The following ANO5 variants were observed in gnomAD, a reference collection of about 807,000 sequenced individuals.
The protein encoded by ANO5 is anoctamin 5.
A neutral mutation model predicts 121.0 loss-of-function variants in ANO5; 109 were observed. The ratio of observed to expected loss-of-function variants is 0.90; its 90% CI spans 0.77 to 1.06. The LOEUF (loss-of-function observed/expected upper bound fraction) is 1.06, where lower values mean the gene tolerates loss of function less well. Ranked by LOEUF, ANO5 falls within the 50% of genes least tolerant of loss-of-function variation. ANO5 has a pLI of 0.00. For synonymous variants in ANO5, 406 were observed against 359.9 expected, an observed-to-expected ratio of 1.13 and a Z score of -1.45; for missense variants, 1,064 against 1,078.5, an observed-to-expected ratio of 0.99 and a Z score of 0.19.
intron 6 of ANO5, among the ~76,000 whole-genome samples, chr11:22,226,663 T>C (rs1852844149): frequency 1.3e-5 from 2 of 152,116 alleles, no homozygotes; most frequent in African/African-American, 2.4e-5. Context: ...AGTTTCATGG[T>C]TGTGCTGCTG....
At chr11:22,238,199 T>C (rs1002226442) in intron 8 of ANO5, among the ~76,000 whole-genome samples, 1 of 151,728 alleles carries the variant, frequency 6.6e-6, no homozygotes, top group African/African-American at 2.4e-5. Flanking sequence ...GGACGTTTGG[T>C]AAAGCAGAAA....
intron 12 of ANO5, among the ~76,000 whole-genome samples, chr11:22,251,742 G>A (rs184826338): frequency 6.6e-6 from 1 of 152,010 alleles, no homozygotes; most frequent in African/African-American, 2.4e-5. Flanking sequence ...ACTGGGCAAG[G>A]GCGGCCAGGC....
intron 2 of ANO5, among the ~76,000 whole-genome samples, chr11:22,209,693 G>A (rs902432319): frequency 2.6e-5 from 4 of 151,932 alleles, no homozygotes; most frequent in Middle Eastern, 3.4e-3. Context: ...ATGAGACAAT[G>A]ACATACTCAG....
At chr11:22,213,196 A>G (rs1038309551) in intron 3 of ANO5, among the ~76,000 whole-genome samples, 1 of 151,852 alleles carries the variant, frequency 6.6e-6, no homozygotes, top group Non-Finnish European at 1.5e-5. Flanking sequence ...TAATGAACCT[A>G]TATTGGTGCA....
At chr11:22,260,018 G>C (rs1432706436) in intron 15 of ANO5, among the ~76,000 whole-genome samples, 1 of 151,242 alleles carries the variant, frequency 6.6e-6, no homozygotes, top group African/African-American at 2.4e-5. Flanking sequence ...TCCCTTGATG[G>C]GTCTAGTTGA....
chr11:22,206,269 A>C (rs1048515833), intron 2 of ANO5, among the ~76,000 whole-genome samples: 1 of 152,108 alleles, frequency 6.6e-6, no homozygotes, highest in South Asian at 2.1e-4. Flanking sequence ...ATAATTATGC[A>C]ACATGGCCAG....
rs141223176 is a variant in ANO5, at chr11:22,201,602, C to T, written c.41-2202C>T. Among the ~76,000 whole-genome samples, 388 of 152,186 alleles carry T rather than the reference C, an allele frequency of 2.5e-3. 9 individuals are homozygous for T. Among genetic ancestry groups the T allele is most frequent in the Admixed American group, 0.021 (328 of 15,270 alleles). ...TATAAACAATAGAAGTTTATTTGGT[C>T]CATGTTCTGGAAGCTGGGAAGTCCA... is the stretch of plus-strand genomic sequence containing the variant. On this transcript the variant is annotated intron_variant, in intron 1 of 21. Transcript: ENST00000324559.
At chr11:22,258,654 T>C (rs1449331756) in intron 14 of ANO5, among the ~76,000 whole-genome samples, 1 of 152,164 alleles carries the variant, frequency 6.6e-6, no homozygotes, top group Non-Finnish European at 1.5e-5. Context: ...TGAGGGGAAA[T>C]GAAATACAAT....
intron 1 of ANO5, among the ~76,000 whole-genome samples, chr11:22,200,060 T>C (rs567478456): frequency 1.3e-5 from 2 of 152,276 alleles, no homozygotes; most frequent in East Asian, 1.9e-4. Context: ...TACTGAGTTA[T>C]ACAGATCTTC....
chr11:22,207,958 C>T (rs550849550), intron 2 of ANO5, among the ~76,000 whole-genome samples: 1 of 151,758 alleles, frequency 6.6e-6, no homozygotes, highest in South Asian at 2.1e-4. Flanking sequence ...CTAAGAAATG[C>T]AAAATAAGAT....
chr11:22,196,052 T>G (rs1379908917), intron 1 of ANO5, among the ~76,000 whole-genome samples: 1 of 152,242 alleles, frequency 6.6e-6, no homozygotes, highest in Non-Finnish European at 1.5e-5. Flanking sequence ...TTAGTTTTAC[T>G]GCCCATTATT....
At chr11:22,226,076 C>G (rs765819272) in intron 6 of ANO5, 24 bp downstream of exon 6, 1 of 1,559,278 alleles carries the variant, frequency 6.4e-7, no homozygotes. Context: ...ATAATTTATA[C>G]AAGCCTCTTT....
At chr11:22,263,702 T>G (rs534088644) in intron 17 of ANO5, among the ~76,000 whole-genome samples, 1 of 152,142 alleles carries the variant, frequency 6.6e-6, no homozygotes, top group African/African-American at 2.4e-5. Context: ...GGGCTCCTAG[T>G]TAGGAAATGA....
At chr11:22,199,497 G>A (rs914374273) in intron 1 of ANO5, among the ~76,000 whole-genome samples, 1 of 152,062 alleles carries the variant, frequency 6.6e-6, no homozygotes, top group African/African-American at 2.4e-5. Context: ...GTAGCCTGTA[G>A]CCTCTGCTGT....
At chr11:22,227,264 A>T (rs752750156) in intron 6 of ANO5, 38 bp from the exon 7 acceptor site, 4 of 1,608,720 alleles carry the variant, frequency 2.5e-6, no homozygotes, top group Non-Finnish European at 3.4e-6. Context: ...CAAACTGATC[A>T]GTAAGCTTTC....
At chr11:22,239,482 C>A in intron 8 of ANO5, 87 bp from the exon 9 acceptor site, 2 of 921,506 alleles carry the variant, frequency 2.2e-6, no homozygotes, top group South Asian at 1.3e-5. Flanking sequence ...CCCTTGTTTA[C>A]TAACATTCTT....
At chr11:22,202,233 G>A (rs1160973153) in intron 1 of ANO5, among the ~76,000 whole-genome samples, 6 of 151,940 alleles carry the variant, frequency 3.9e-5, no homozygotes, top group Non-Finnish European at 8.8e-5. Flanking sequence ...ATACAGCCTC[G>A]TTTTAACCAA....
intron 3 of ANO5, among the ~76,000 whole-genome samples, chr11:22,214,732 G>C (rs1046403439): frequency 1.8e-4 from 27 of 151,954 alleles, no homozygotes; most frequent in Non-Finnish European, 2.9e-5. Flanking sequence ...AAGAGGTCAA[G>C]GGAGCTCTTT....
Position 22,283,339 on chromosome 11 carries a change from G to C in ANO5, c.*3574G>C, listed in dbSNP as rs1855142563. 1 of 152,108 alleles carries C rather than the reference G, an allele frequency of 6.6e-6. No homozygotes were observed. The highest frequency in any genetic ancestry group is 1.5e-5 in the Non-Finnish European group (1 of 68,022). 9.4% of individuals were successfully genotyped at this position (152,108 alleles called of 1,614,324 possible). A position where few individuals can be genotyped will look rare whatever the true frequency, so the allele number is the denominator to read the frequency against. ...GAATCAAATTCACAGAGTGAATAAAGTAATAATATTAAACTACATTTTGAC... is the reference window on the plus strand; with the variant it reads ...GAATCAAATTCACAGAGTGAATAAACTAATAATATTAAACTACATTTTGAC... On this transcript the variant is annotated 3_prime_UTR_variant, in exon 22 of 22. Transcript: ENST00000324559.
Sources: gnomAD v4.1 joint callset for allele counts (sites outside exome capture counted in the v4.1 genomes callset) on GRCh38, gnomAD v4.1.1 for gene constraint, MANE v1.5 for transcripts, NCBI Gene and HGNC (gene_info 2026-07-23, HGNC 2026-07-21) for gene names.